The following LMTK2 variants were observed in gnomAD, a reference collection of about 807,000 sequenced individuals.
LMTK2 encodes the protein lemur tail kinase 2, also known as serine/threonine-protein kinase LMTK2.
Under a neutral mutation model 127.5 loss-of-function variants are expected in LMTK2, and 37 were observed. The observed-to-expected ratio is 0.29, with a 90% CI of 0.22 to 0.38. The LOEUF (loss-of-function observed/expected upper bound fraction) is 0.38. LMTK2 is among the 10% of genes least tolerant of loss of function. LMTK2 has a pLI of 1.00. For synonymous variants in LMTK2, 819 were observed against 810.1 expected (o/e 1.01, Z -0.19); for missense variants, 1,694 against 1,920.3 (o/e 0.88, Z 2.20).
chr7:98,125,496 G>A (rs1796431652), intron 1 of LMTK2, among the ~76,000 whole-genome samples: 1 of 152,168 alleles, frequency 6.6e-6, no homozygotes, highest in Non-Finnish European at 1.5e-5. Context: ...TTTGTTGAAT[G>A]AATGAATGTG....
intron 1 of LMTK2, among the ~76,000 whole-genome samples, chr7:98,116,820 C>T (rs1160436712): frequency 6.6e-6 from 1 of 152,074 alleles, no homozygotes; most frequent in Non-Finnish European, 1.5e-5. Flanking sequence ...GTAGTTATGC[C>T]CCTTGGGCTC....
At position 98,179,609 on chromosome 7, in the gene LMTK2, CCCTT is replaced by C. The variant is rs146264814; in HGVS notation, c.792-5441_792-5438del. 4.9e-4 allele frequency among the ~76,000 whole-genome samples: 65 copies of C among 132,010 alleles called. No individual in the cohort carries two copies. In the East Asian group the frequency reaches 5.4e-3, roughly 11 times the overall value. 86.6% of individuals were successfully genotyped at this position (132,010 alleles called of 152,430 possible). On this transcript the variant is annotated intron_variant, in intron 7 of 13. Transcript: ENST00000297293. The stretch of plus-strand genomic sequence containing the variant: ...TCCCTCCTTCCCTCTCTCCCTCCCT[CCCTT>C]TCTCCCTCCCTCCCTTTCTCCCTCC...
chr7:98,127,254 C>G (rs1334474156), intron 1 of LMTK2, among the ~76,000 whole-genome samples: 2 of 152,042 alleles, frequency 1.3e-5, no homozygotes, highest in Non-Finnish European at 2.9e-5. Context: ...TTTATTAAGT[C>G]TCTGGGCTGC....
At chr7:98,202,508 G>T (rs548583911) in intron 11 of LMTK2, among the ~76,000 whole-genome samples, 1 of 152,320 alleles carries the variant, frequency 6.6e-6, no homozygotes, top group African/African-American at 2.4e-5. Context: ...CTCCTATCAT[G>T]TTAGGCAGTC....
At chr7:98,161,147 G>T (rs1277983136) in intron 6 of LMTK2, among the ~76,000 whole-genome samples, 4 of 151,134 alleles carry the variant, frequency 2.6e-5, no homozygotes, top group Admixed American at 2.0e-4. Context: ...TTTCTTTTTT[G>T]CTTTTTTTCT....
At chr7:98,138,920 A>G (rs575632905) in intron 2 of LMTK2, among the ~76,000 whole-genome samples, 1 of 152,194 alleles carries the variant, frequency 6.6e-6, no homozygotes, top group Non-Finnish European at 1.5e-5. Context: ...CTCCAGCTCT[A>G]GAGTCTGTGT....
intron 5 of LMTK2, among the ~76,000 whole-genome samples, chr7:98,156,983 C>T (rs561474561): frequency 6.6e-6 from 1 of 152,290 alleles, no homozygotes; most frequent in Non-Finnish European, 1.5e-5. Flanking sequence ...TACGGTGCCT[C>T]AGGTCTATAA....
chr7:98,196,000 G>C (rs1797617514), intron 11 of LMTK2, among the ~76,000 whole-genome samples: 1 of 152,012 alleles, frequency 6.6e-6, no homozygotes, highest in Non-Finnish European at 1.5e-5. Context: ...GACCAGCCTG[G>C]GCAACATGGC....
rs58147304 is a variant in LMTK2, at chr7:98,193,561, C to T, written c.3096C>T (p.Tyr1032=). 4.2e-3 allele frequency: 6,734 copies of T among 1,614,074 alleles called. 236 individuals are homozygous for T. The African/African-American group carries it at 0.076, about 18-fold the overall frequency. Residue 1032 remains tyrosine, a synonymous_variant, in exon 11 of 14, where the codon TAC becomes TAT. Coordinates refer to ENST00000297293, the MANE Select transcript of LMTK2 (RefSeq NM_014916.4). This position sits in a 1 kb window ranked among gnomAD's most constrained non-coding sequence, Gnocchi z 4.1. ...CCGATAAGCCGGCAGACAGTGGCTA[C>T]GAAACAGAGAACTTGGAGTCTCCCG... ...VPPDKPADSG[Y]ETENLESPEW...
At chr7:98,205,245 TG>T (rs1287010990) in intron 13 of LMTK2, among the ~76,000 whole-genome samples, 1 of 152,176 alleles carries the variant, frequency 6.6e-6, no homozygotes, top group Non-Finnish European at 1.5e-5. Flanking sequence ...TTCTGCACCC[TG>T]ACCCTTAGCG....
chr7:98,196,250 A>G (rs1797620732), intron 11 of LMTK2, among the ~76,000 whole-genome samples: 1 of 151,416 alleles, frequency 6.6e-6, no homozygotes, highest in Non-Finnish European at 1.5e-5. Context: ...TGATTCTGCG[A>G]GGGGCCAGGA....
intron 7 of LMTK2, among the ~76,000 whole-genome samples, chr7:98,177,097 A>G (rs1797289870): frequency 6.6e-6 from 1 of 152,226 alleles, no homozygotes; most frequent in African/African-American, 2.4e-5. Flanking sequence ...AGAAGAGAAC[A>G]TTGCCCTTCT....
chr7:98,128,370 C>G (rs149691016), intron 1 of LMTK2, among the ~76,000 whole-genome samples: 1 of 152,078 alleles, frequency 6.6e-6, no homozygotes, highest in African/African-American at 2.4e-5. Flanking sequence ...GGGATGCACA[C>G]GGAAGAAAGC....
chr7:98,173,333 G>T (rs1797223045), intron 7 of LMTK2, among the ~76,000 whole-genome samples: 1 of 150,612 alleles, frequency 6.6e-6, no homozygotes, highest in Non-Finnish European at 1.5e-5. Flanking sequence ...GACTCAAAAA[G>T]TTACCAGTTT....
intron 1 of LMTK2, among the ~76,000 whole-genome samples, chr7:98,116,249 A>G (rs141399002): frequency 6.6e-6 from 1 of 152,278 alleles, no homozygotes; most frequent in Non-Finnish European, 1.5e-5. Flanking sequence ...CGTGTCTTAT[A>G]TCCTTGGGAT....
chr7:98,122,361 C>T (rs556612477), intron 1 of LMTK2, among the ~76,000 whole-genome samples: 2 of 152,266 alleles, frequency 1.3e-5, no homozygotes, highest in African/African-American at 2.4e-5. Context: ...TTCTCACCCT[C>T]CTCCAACCCT....
At chr7:98,128,750 T>C (rs546001688) in intron 1 of LMTK2, among the ~76,000 whole-genome samples, 1 of 152,300 alleles carries the variant, frequency 6.6e-6, no homozygotes, top group Admixed American at 6.5e-5. Context: ...TTGCCTGCAC[T>C]GAGTAGAATG....
chr7:98,125,437 A>G (rs977663240), intron 1 of LMTK2, among the ~76,000 whole-genome samples: 1 of 151,344 alleles, frequency 6.6e-6, no homozygotes, highest in Non-Finnish European at 1.5e-5. Flanking sequence ...TCACTTCTTT[A>G]TTCTCAGAAC....
Position 98,107,005 on chromosome 7 carries a change from G to T in LMTK2, c.-173G>T. ...GGATGGTGTTTCTGCGACTGGAGCG[G>T]CAGGTGCGGACCGGGAGCCGGACCG... is the stretch of plus-strand genomic sequence containing the variant. On this transcript the variant is annotated 5_prime_UTR_variant, in exon 1 of 14. Transcript: ENST00000297293. 2.1e-6 allele frequency: 1 copy of T among 476,614 alleles called. No individual in the cohort carries two copies. The highest frequency in any genetic ancestry group is 4.4e-5 in the Admixed American group (1 of 22,954). The allele number at this position is 476,614 out of a possible 1,614,324, so 29.5% of individuals were successfully genotyped here.
Sources: allele counts gnomAD v4.1 joint callset (sites outside exome capture counted in the v4.1 genomes callset), GRCh38; gene constraint gnomAD v4.1.1; non-coding constraint Gnocchi (gnomAD v3.1); transcripts MANE v1.5; gene names NCBI Gene and HGNC (gene_info 2026-07-23, HGNC 2026-07-21).